The following SAMD12 variants were observed in gnomAD, a reference collection of about 807,000 sequenced individuals.
SAMD12 encodes the protein sterile alpha motif domain-containing protein 12.
Under a neutral mutation model 15.0 loss-of-function variants are expected in SAMD12, and 9 were observed. The observed-to-expected ratio is 0.60, with a 90% CI of 0.36 to 1.05. The LOEUF is 1.05. Ranked by LOEUF, SAMD12 falls within the 50% of genes least tolerant of loss-of-function variation. The pLI is 0.01. For missense variants in SAMD12, 230 were observed against 234.2 expected, an observed-to-expected ratio of 0.98 and a Z score of 0.12; for synonymous variants, 86 against 90.1, an observed-to-expected ratio of 0.96 and a Z score of 0.25.
intron 2 of SAMD12, among the ~76,000 whole-genome samples, chr8:118,550,340 C>T (rs1018163294): frequency 7.2e-5 from 11 of 152,220 alleles, no homozygotes; most frequent in African/African-American, 2.7e-4. Context: ...TCTGCAGAAA[C>T]CCTACAAGCC....
intron 3 of SAMD12, among the ~76,000 whole-genome samples, chr8:118,418,558 A>G (rs1317023385): frequency 1.3e-5 from 2 of 152,130 alleles, no homozygotes; most frequent in African/African-American, 4.8e-5. Context: ...CTACTACTAA[A>G]AATACAAAAA....
At chr8:118,338,821 C>T (rs945990730) in intron 4 of SAMD12, among the ~76,000 whole-genome samples, 7 of 152,102 alleles carry the variant, frequency 4.6e-5, no homozygotes, top group Non-Finnish European at 8.8e-5. Flanking sequence ...TCCTGACAAC[C>T]TCATGTTTTT....
At chr8:118,586,113 CA>C (rs1364561339) in intron 1 of SAMD12, among the ~76,000 whole-genome samples, 2 of 152,178 alleles carry the variant, frequency 1.3e-5, no homozygotes, top group African/African-American at 2.4e-5. Context: ...GCTGGCTCCC[CA>C]ACCAAGGAAC....
the SAMD12 span, among the ~76,000 whole-genome samples, chr8:118,159,408 C>T: frequency 6.6e-6 from 1 of 152,200 alleles, no homozygotes; most frequent in Non-Finnish European, 1.5e-5. Flanking sequence ...CTCTCTAACA[C>T]ACCTCTCACC....
At chr8:118,501,915 G>A (rs1288507863) in intron 2 of SAMD12, among the ~76,000 whole-genome samples, 1 of 152,010 alleles carries the variant, frequency 6.6e-6, no homozygotes, top group African/African-American at 2.4e-5. Flanking sequence ...TACTCGGGAG[G>A]CTGAGGCAGG....
At chr8:118,536,783 T>C (rs1486396573) in intron 2 of SAMD12, among the ~76,000 whole-genome samples, 1 of 152,238 alleles carries the variant, frequency 6.6e-6, no homozygotes, top group East Asian at 1.9e-4. Context: ...TCAGTCTTTC[T>C]ACTCAAGATA....
intron 4 of SAMD12, among the ~76,000 whole-genome samples, chr8:118,306,505 T>C (rs1452429501): frequency 6.6e-6 from 1 of 152,118 alleles, no homozygotes; most frequent in African/African-American, 2.4e-5. Flanking sequence ...GCTTGGAGCA[T>C]AAATGTGACC....
intron 4 of SAMD12, among the ~76,000 whole-genome samples, chr8:118,368,189 G>A (rs1048405196): frequency 9.9e-5 from 15 of 152,132 alleles, no homozygotes; most frequent in South Asian, 2.1e-4. Flanking sequence ...GAAATGTGTC[G>A]GGGGAAATCT....
chr8:118,150,325 A>G, the SAMD12 span, among the ~76,000 whole-genome samples: 5 of 152,148 alleles, frequency 3.3e-5, no homozygotes, highest in African/African-American at 1.2e-4. Flanking sequence ...CCCTTATACT[A>G]TTGTTGCAAT....
intron 3 of SAMD12, among the ~76,000 whole-genome samples, chr8:118,392,456 A>G (rs1820334715): frequency 6.6e-6 from 1 of 152,182 alleles, no homozygotes; most frequent in South Asian, 2.1e-4. Context: ...AACAAAAAAC[A>G]AAAAACAAAA....
chr8:118,241,002 G>A (rs536625912), intron 4 of SAMD12, among the ~76,000 whole-genome samples: 22 of 152,138 alleles, frequency 1.4e-4, no homozygotes, highest in African/African-American at 3.9e-4. Context: ...CCAAGAGCTC[G>A]GCTTTACCTT....
Position 118,316,369 on chromosome 8 carries a change from C to CAAAAAAAAAAAAAAAAA in SAMD12, c.433+63190_433+63191insTTTTTTTTTTTTTTTTT, listed in dbSNP as rs71307444. On this transcript the variant is annotated intron_variant, in intron 4 of 4. Transcript: ENST00000409003. ...TCAACATGGTGAAACCCCATGTCTA[C>CAAAAAAAAAAAAAAAAA]AAAAAAAAAAAAAAAATTAGCTAGG... Among the ~76,000 whole-genome samples the CAAAAAAAAAAAAAAAAA allele has an allele frequency of 1.8e-3, 200 of 114,110 alleles. 3 individuals are homozygous for CAAAAAAAAAAAAAAAAA. Among genetic ancestry groups the CAAAAAAAAAAAAAAAAA allele is most frequent in the African/African-American group, 7.1e-3 (188 of 26,494 alleles). The allele number at this position is 114,110 out of a possible 152,430, so 74.9% of individuals were successfully genotyped here. A position where few individuals can be genotyped will look rare whatever the true frequency, so the allele number is the denominator to read the frequency against.
Position 118,208,075 on chromosome 8 carries a change from T to A in SAMD12, c.434-10343A>T, listed in dbSNP as rs959113633. On this transcript the variant is annotated intron_variant, in intron 4 of 4. Coordinates refer to the SAMD12 transcript ENST00000409003. ...GAGTTCGAGACCAGTCTGATCAACA[T>A]GGAGAAACCCCGTCTCTACTAAAAA... 2.0e-5 allele frequency among the ~76,000 whole-genome samples: 3 copies of A among 151,898 alleles called. No individual in the cohort carries two copies. In the East Asian group the frequency reaches 5.8e-4, roughly 29 times the overall value.
chr8:118,457,224 T>C (rs112054367), intron 2 of SAMD12, among the ~76,000 whole-genome samples: 4,436 of 51,084 alleles, frequency 0.087, 193 homozygotes, highest in African/African-American at 0.16. Context: ...CTCTCTCTCT[T>C]TTTTTTTTTT....
intron 2 of SAMD12, among the ~76,000 whole-genome samples, chr8:118,478,075 C>T (rs1213450375): frequency 6.6e-6 from 1 of 151,564 alleles, no homozygotes; most frequent in African/African-American, 2.4e-5. Flanking sequence ...GACTCTGCAC[C>T]TCTAGTTCTC....
At chr8:118,423,423 G>A (rs1173145844) in intron 3 of SAMD12, among the ~76,000 whole-genome samples, 1 of 152,110 alleles carries the variant, frequency 6.6e-6, no homozygotes, top group African/African-American at 2.4e-5. Flanking sequence ...TCACTGAGAG[G>A]CAAACAACAT....
chr8:118,141,577 G>A, the SAMD12 span, among the ~76,000 whole-genome samples: 1 of 152,314 alleles, frequency 6.6e-6, no homozygotes, highest in East Asian at 1.9e-4. Flanking sequence ...TTTCCATGAT[G>A]AAAACATACC....
chr8:118,171,291 G>T, the SAMD12 span, among the ~76,000 whole-genome samples: 1 of 152,142 alleles, frequency 6.6e-6, no homozygotes, highest in Non-Finnish European at 1.5e-5. Flanking sequence ...TTAGCATATA[G>T]TTATCATGTG....
At chr8:118,181,303 A>G in the SAMD12 span, among the ~76,000 whole-genome samples, 3 of 152,130 alleles carry the variant, frequency 2.0e-5, no homozygotes, top group African/African-American at 4.8e-5. Flanking sequence ...TTGGGCCTCT[A>G]TTTTCTCATC....
Sources: gnomAD v4.1 joint callset for allele counts (sites outside exome capture counted in the v4.1 genomes callset) on GRCh38, gnomAD v4.1.1 for gene constraint, MANE v1.5 for transcripts, NCBI Gene and HGNC (gene_info 2026-07-23, HGNC 2026-07-21) for gene names.